The following CFAP251 variants were observed in gnomAD, a reference collection of about 807,000 sequenced individuals.
The protein encoded by CFAP251 is cilia and flagella associated protein 251.
Under a neutral mutation model 126.7 loss-of-function variants are expected in CFAP251, and 93 were observed. The observed-to-expected ratio is 0.73, with a 90% confidence interval of 0.62 to 0.87. The LOEUF (loss-of-function observed/expected upper bound fraction) is 0.87, where lower values mean the gene tolerates loss of function less well. CFAP251 is among the 40% of genes least tolerant of loss of function. The pLI is 0.00. For missense variants in CFAP251, 1,287 were observed against 1,389.2 expected, an observed-to-expected ratio of 0.93 and a Z score of 1.17; for synonymous variants, 503 against 506.9, an observed-to-expected ratio of 0.99 and a Z score of 0.10.
In CFAP251 at chr12:121,942,921, G is replaced by T; in HGVS notation, c.1137G>T (p.Leu379Phe). 6.2e-7 allele frequency: 1 copy of T among 1,614,186 alleles called. No individual in the cohort carries two copies. ...VQKVCIWKWT[L>F]AVETPACTLE... is the part of the protein sequence containing the mutation. ...AGGTATGCATCTGGAAGTGGACTTTGGCAGTGGAAACGCCAGCATGCACTC... is the reference window on the plus strand; with the variant it reads ...AGGTATGCATCTGGAAGTGGACTTTTGCAGTGGAAACGCCAGCATGCACTC... Residue 379 changes from leucine (L) to phenylalanine (F), a missense_variant, in exon 7 of 22, where the codon TTG becomes TTT. Transcript: ENST00000288912.
chr12:121,992,182 C>CG (rs1427150258), intron 19 of CFAP251: 3 of 984,784 alleles, frequency 3.0e-6, no homozygotes, highest in African/African-American at 3.5e-5. Context: ...CATCTTCACA[C>CG]GGGGGCGTTC....
chr12:121,921,944 C>T (rs573978718), intron 2 of CFAP251, among the ~76,000 whole-genome samples: 6 of 151,760 alleles, frequency 4.0e-5, no homozygotes, highest in African/African-American at 1.2e-4. Flanking sequence ...TCCACCACCA[C>T]ACCCAGCTAA....
intron 19 of CFAP251, among the ~76,000 whole-genome samples, chr12:121,984,174 A>G (rs1882692260): frequency 6.6e-6 from 1 of 152,224 alleles, no homozygotes; most frequent in South Asian, 2.1e-4. Context: ...CTGAAGCCAA[A>G]TTACACAAGA....
At chr12:121,996,651 AG>A (rs531229927) in intron 19 of CFAP251, among the ~76,000 whole-genome samples, 278 of 152,310 alleles carry the variant, frequency 1.8e-3, no homozygotes, top group Non-Finnish European at 2.9e-3. Context: ...CCAAATGAGA[AG>A]GGGAAAATTT....
chr12:121,961,033 C>T (rs563529212), intron 14 of CFAP251, among the ~76,000 whole-genome samples: 6 of 152,178 alleles, frequency 3.9e-5, no homozygotes, highest in Non-Finnish European at 7.3e-5. Context: ...GGAAAGCAGC[C>T]GCCCTTGCCT....
intron 7 of CFAP251, among the ~76,000 whole-genome samples, chr12:121,943,741 A>G (rs1881217563): frequency 6.6e-6 from 1 of 152,048 alleles, no homozygotes; most frequent in Non-Finnish European, 1.5e-5. Flanking sequence ...GAGCTTTTAA[A>G]ACCCTTTCAT....
At chr12:121,942,454 T>C (rs1881158487) in intron 5 of CFAP251, 80 bp from the exon 6 acceptor site, 4 of 940,758 alleles carry the variant, frequency 4.3e-6, no homozygotes, top group Non-Finnish European at 6.6e-6. Context: ...AGGTTTGGGC[T>C]GAGCTCAGAC....
chr12:121,967,129 A>G, intron 16 of CFAP251, 60 bp downstream of exon 16: 4 of 1,463,584 alleles, frequency 2.7e-6, no homozygotes, highest in Non-Finnish European at 3.8e-6. Context: ...AGCAGCAGTC[A>G]TTACTGAAGA....
At chr12:121,943,979 A>G (rs1881225939) in intron 7 of CFAP251, among the ~76,000 whole-genome samples, 1 of 152,204 alleles carries the variant, frequency 6.6e-6, no homozygotes. Flanking sequence ...AACTACTTCA[A>G]ACCTTGTAAA....
intron 19 of CFAP251, among the ~76,000 whole-genome samples, chr12:121,986,346 G>A (rs2135808379): frequency 6.9e-6 from 1 of 145,508 alleles, no homozygotes; most frequent in Non-Finnish European, 1.5e-5. Flanking sequence ...CACCCAGGCT[G>A]CAGCGCAGTG....
In CFAP251 at chr12:121,999,623, G is replaced by A. The variant is rs183305000; in HGVS notation, c.3007-93G>A. The A allele has an allele frequency of 5.7e-3, 5,504 of 959,916 alleles. 33 individuals are homozygous for A. Among genetic ancestry groups the A allele is most frequent in the Non-Finnish European group, 7.1e-3 (4,664 of 654,488 alleles). 59.5% of individuals were successfully genotyped at this position (959,916 alleles called of 1,614,324 possible). A position where few individuals can be genotyped will look rare whatever the true frequency, so the allele number is the denominator to read the frequency against. ...AGTGCTAGGATTACAGGCATGAGCC[G>A]CTGCACCAGCCCTACTGTCCAATTT... On this transcript the variant is annotated intron_variant, in intron 19 of 21. Transcript: ENST00000288912.
intron 19 of CFAP251, among the ~76,000 whole-genome samples, chr12:121,992,733 C>T (rs1382969168): frequency 6.6e-6 from 1 of 151,834 alleles, no homozygotes; most frequent in East Asian, 1.9e-4. Context: ...ACATGCGCCA[C>T]CACGCCAAGC....
chr12:122,003,145 G>A (rs540050736), intron 21 of CFAP251, among the ~76,000 whole-genome samples: 1 of 152,316 alleles, frequency 6.6e-6, no homozygotes, highest in Admixed American at 6.5e-5. Flanking sequence ...ACAGCGTTCT[G>A]TTCCGTAAAG....
At chr12:121,930,058 TA>T (rs1181274357) in intron 3 of CFAP251, among the ~76,000 whole-genome samples, 4 of 152,240 alleles carry the variant, frequency 2.6e-5, no homozygotes, top group Admixed American at 2.6e-4. Context: ...AGTCTTTTCA[TA>T]TTGGCTTCAT....
intron 19 of CFAP251, among the ~76,000 whole-genome samples, chr12:121,978,333 A>G (rs761253582): frequency 2.2e-3 from 311 of 139,624 alleles, no homozygotes; most frequent in African/African-American, 7.2e-3. Context: ...GGCGGAGCTT[A>G]CAGTGAGCCG....
chr12:122,000,783 G>T (rs1883131512), intron 20 of CFAP251, among the ~76,000 whole-genome samples: 1 of 152,068 alleles, frequency 6.6e-6, no homozygotes, highest in African/African-American at 2.4e-5. Context: ...CCCGCAGCAT[G>T]CTGTCCTATT....
Position 121,975,317 on chromosome 12 carries a change from G to T in CFAP251, c.2845G>T (p.Glu949Ter). ...PFYGLLSGGR[E>*]GKFYRELEDY... ...CTATGGTCTGCTGTCTGGTGGCCGG[G>T]AAGGAAAATTCTACAGGGTAATTGT... is the stretch of plus-strand genomic sequence containing the variant. The change falls in exon 18 of 22, where the codon GAA (glutamate) becomes TAA (stop). Residue 949 changes from glutamate to a stop codon, truncating the protein, a stop_gained. Coordinates refer to ENST00000288912, the MANE Select transcript of CFAP251 (RefSeq NM_144668.6). LOFTEE classifies it high-confidence loss of function. The T allele has an allele frequency of 6.2e-7, 1 of 1,614,182 alleles. No homozygotes were observed. The highest frequency in any genetic ancestry group is 1.1e-5 in the South Asian group (1 of 91,064).
At chr12:121,930,277 A>G (rs1880628858) in intron 3 of CFAP251, among the ~76,000 whole-genome samples, 1 of 152,140 alleles carries the variant, frequency 6.6e-6, no homozygotes, top group Non-Finnish European at 1.5e-5. Flanking sequence ...TCATGAGGTC[A>G]AGAGATCAAG....
chr12:121,992,561 T>A, intron 19 of CFAP251: 3 of 874,612 alleles, frequency 3.4e-6, no homozygotes, highest in Non-Finnish European at 4.1e-6. Flanking sequence ...TATATTTATA[T>A]ATATTATTTC....
Sources: allele counts gnomAD v4.1 joint callset (sites outside exome capture counted in the v4.1 genomes callset), GRCh38; gene constraint gnomAD v4.1.1; transcripts MANE v1.5; gene names NCBI Gene and HGNC (gene_info 2026-07-23, HGNC 2026-07-21).